NLGN1: variants seen among roughly 807,000 people sequenced by gnomAD.
NLGN1 encodes the protein neuroligin-1.
In NLGN1, 12 loss-of-function variants were observed where a neutral mutation model predicts 65.5. That is an observed-to-expected ratio of 0.18 (90% CI 0.12 to 0.30). The LOEUF (loss-of-function observed/expected upper bound fraction) is 0.30, where lower values mean the gene tolerates loss of function less well. Ranked by LOEUF, NLGN1 falls within the 10% of genes least tolerant of loss-of-function variation. NLGN1 has a pLI of 1.00. For synonymous variants in NLGN1, 350 were observed against 359.5 expected, an observed-to-expected ratio of 0.97 and a Z score of 0.30; for missense variants, 750 against 1,007.1, an observed-to-expected ratio of 0.74 and a Z score of 3.46.
At chr3:173,524,966 T>C (rs1381059379) in intron 2 of NLGN1, among the ~76,000 whole-genome samples, 6 of 152,168 alleles carry the variant, frequency 3.9e-5, no homozygotes, top group Non-Finnish European at 8.8e-5. Context: ...TGGATTCAGT[T>C]TGCTAGTATT....
chr3:174,201,378 A>AGAAG (rs1491215519), intron 4 of NLGN1, among the ~76,000 whole-genome samples: 5 of 84,168 alleles, frequency 5.9e-5, no homozygotes, highest in South Asian at 7.6e-4. Context: ...AAGGAAGGAA[A>AGAAG]GAAGGAAGGA....
intron 4 of NLGN1, among the ~76,000 whole-genome samples, chr3:174,028,973 A>G (rs970307441): frequency 6.6e-6 from 1 of 151,970 alleles, no homozygotes; most frequent in Non-Finnish European, 1.5e-5. Context: ...AGGCCATCAG[A>G]GGATGTACGG....
At chr3:173,724,143 GA>G (rs2150019758) in intron 3 of NLGN1, among the ~76,000 whole-genome samples, 1 of 152,304 alleles carries the variant, frequency 6.6e-6, no homozygotes, top group South Asian at 2.1e-4. Flanking sequence ...ACTAGAAAAT[GA>G]GTCTAAAGTT....
intron 4 of NLGN1, among the ~76,000 whole-genome samples, chr3:173,987,980 C>T (rs1317583360): frequency 6.6e-6 from 1 of 152,114 alleles, no homozygotes; most frequent in Non-Finnish European, 1.5e-5. Flanking sequence ...GTTTGGTACT[C>T]TGATCATATT....
At chr3:173,595,790 G>A (rs7652121) in intron 2 of NLGN1, among the ~76,000 whole-genome samples, 5 of 152,164 alleles carry the variant, frequency 3.3e-5, no homozygotes, top group Admixed American at 6.5e-5. Context: ...ATGTGGTGGT[G>A]GCAAGAGAAA....
intron 4 of NLGN1, among the ~76,000 whole-genome samples, chr3:174,001,586 C>T (rs919521226): frequency 8.5e-5 from 13 of 152,152 alleles, no homozygotes; most frequent in Non-Finnish European, 1.3e-4. Flanking sequence ...CAAAAGCAGA[C>T]ATATATTGGT....
chr3:173,795,678 C>A (rs1713885860), intron 3 of NLGN1, among the ~76,000 whole-genome samples: 1 of 151,980 alleles, frequency 6.6e-6, no homozygotes, highest in Non-Finnish European at 1.5e-5. Context: ...TAACATAATC[C>A]TGTCGTTACT....
At chr3:173,725,597 G>A (rs1405303513) in intron 3 of NLGN1, among the ~76,000 whole-genome samples, 1 of 152,182 alleles carries the variant, frequency 6.6e-6, no homozygotes, top group Non-Finnish European at 1.5e-5. Context: ...AAAGAAACAG[G>A]TATTGCATTA....
At chr3:173,760,346 C>T (rs907424213) in intron 3 of NLGN1, among the ~76,000 whole-genome samples, 4 of 151,716 alleles carry the variant, frequency 2.6e-5, no homozygotes, top group African/African-American at 9.7e-5. Context: ...TTATTGAATA[C>T]ATGAATATAA....
At chr3:173,453,799 A>G (rs901267863) in intron 2 of NLGN1, among the ~76,000 whole-genome samples, 2 of 152,178 alleles carry the variant, frequency 1.3e-5, no homozygotes, top group African/African-American at 2.4e-5. Flanking sequence ...AAAGTCATCC[A>G]TGAGGGTTAG....
At chr3:173,753,497 A>G (rs1444095257) in intron 3 of NLGN1, among the ~76,000 whole-genome samples, 1 of 152,068 alleles carries the variant, frequency 6.6e-6, no homozygotes, top group Non-Finnish European at 1.5e-5. Context: ...TACCTTCAAA[A>G]TATATCTGGA....
At chr3:173,975,552 A>G (rs1477451442) in intron 4 of NLGN1, among the ~76,000 whole-genome samples, 2 of 152,062 alleles carry the variant, frequency 1.3e-5, no homozygotes, top group African/African-American at 4.8e-5. Flanking sequence ...TTTGAAGTAT[A>G]TAAAGATGAG....
At chr3:173,797,842 A>G (rs1714499510) in intron 3 of NLGN1, among the ~76,000 whole-genome samples, 3 of 152,118 alleles carry the variant, frequency 2.0e-5, no homozygotes, top group African/African-American at 4.8e-5. Context: ...ACATGCAAAG[A>G]AGTGGGCGAT....
At chr3:174,234,522 T>G (rs1039880952) in intron 4 of NLGN1, among the ~76,000 whole-genome samples, 11 of 152,222 alleles carry the variant, frequency 7.2e-5, no homozygotes, top group African/African-American at 2.2e-4. Context: ...TTTTGCCTCT[T>G]AATGCACATG....
chr3:173,756,088 A>C (rs55922700), intron 3 of NLGN1, among the ~76,000 whole-genome samples: 22,577 of 151,914 alleles, frequency 0.15, 2,032 homozygotes, highest in South Asian at 0.26. Context: ...AATTTCATTC[A>C]GTAATTCCGT....
At chr3:174,226,296 C>G (rs1193610910) in intron 4 of NLGN1, among the ~76,000 whole-genome samples, 6 of 152,136 alleles carry the variant, frequency 3.9e-5, no homozygotes, top group African/African-American at 7.2e-5. Context: ...CCCCCTACCC[C>G]CTTACCCACC....
In NLGN1 at chr3:174,280,248, A is replaced by G. The variant is rs772745910; in HGVS notation, c.1650-233A>G. 6.6e-6 allele frequency among the ~76,000 whole-genome samples: 1 copy of G among 151,954 alleles called. No individual in the cohort carries two copies. Among genetic ancestry groups the G allele is most frequent in the Non-Finnish European group, 1.5e-5 (1 of 67,928 alleles). ...AAAATCTTTGGGTAGATAGCAGCCC[A>G]TCTCAGGATAAGCAGAGAGAACAAG... is the stretch of plus-strand genomic sequence containing the variant. On this transcript the variant is annotated intron_variant, in intron 6 of 6. Transcript: ENST00000457714. This position sits in a 1 kb window ranked among gnomAD's most constrained non-coding sequence, Gnocchi z 4.9.
At chr3:173,419,802 C>T (rs1714631256) in intron 1 of NLGN1, among the ~76,000 whole-genome samples, 1 of 151,926 alleles carries the variant, frequency 6.6e-6, no homozygotes, top group Non-Finnish European at 1.5e-5. Flanking sequence ...AACCCCATCT[C>T]TATCTGGTAA....
At chr3:173,651,504 T>C (rs905882117) in intron 3 of NLGN1, among the ~76,000 whole-genome samples, 1 of 152,060 alleles carries the variant, frequency 6.6e-6, no homozygotes, top group African/African-American at 2.4e-5. Flanking sequence ...GATTGAATGG[T>C]AGTTCTATTC....
Sources: gnomAD v4.1 joint callset for allele counts (sites outside exome capture counted in the v4.1 genomes callset) on GRCh38, gnomAD v4.1.1 for gene constraint, Gnocchi (gnomAD v3.1) non-coding constraint, MANE v1.5 for transcripts, NCBI Gene and HGNC (gene_info 2026-07-23, HGNC 2026-07-21) for gene names.